Variants in TENM4 observed in about 807,000 individuals in gnomAD.
TENM4 encodes the protein teneurin-4.
Under a neutral mutation model 243.3 loss-of-function variants are expected in TENM4, and 82 were observed. The ratio of observed to expected loss-of-function variants is 0.34; its 90% CI spans 0.28 to 0.40. TENM4 has a LOEUF of 0.40. Ranked by LOEUF, TENM4 falls within the 10% of genes least tolerant of loss-of-function variation. The pLI, the probability that TENM4 is intolerant of heterozygous loss-of-function variation, is 1.00. For synonymous variants in TENM4, 1,412 were observed against 1,456.3 expected (o/e 0.97, Z 0.69); for missense variants, 3,138 against 3,673.3 (o/e 0.85, Z 3.77).
Position 78,879,236 on chromosome 11 carries a change from C to T in TENM4, c.1084+10549G>A, listed in dbSNP as rs145255515. 4.8e-3 allele frequency among the ~76,000 whole-genome samples: 717 copies of T among 148,528 alleles called. 3 individuals carry two copies. Among genetic ancestry groups the T allele is most frequent in the Non-Finnish European group, 7.0e-3 (468 of 67,168 alleles). ...GAGAAGCGCCTCTGCCCGGTCGCCC[C>T]GTCTGGGAGGTGAGGAGCGCCTCTG... On this transcript the variant is annotated intron_variant, in intron 9 of 33. Coordinates refer to ENST00000278550, the MANE Select transcript of TENM4 (RefSeq NM_001098816.3).
At chr11:79,375,746 G>A (rs544900788) in intron 1 of TENM4, among the ~76,000 whole-genome samples, 1 of 152,184 alleles carries the variant, frequency 6.6e-6, no homozygotes, top group Non-Finnish European at 1.5e-5. Context: ...TGCAATAAAA[G>A]AAGTGACCTT....
intron 6 of TENM4, among the ~76,000 whole-genome samples, chr11:79,025,489 A>T (rs1859055545): frequency 1.3e-5 from 2 of 152,226 alleles, no homozygotes; most frequent in Non-Finnish European, 2.9e-5. Context: ...GCCCAAGGCC[A>T]TGGAGACAGC....
chr11:79,006,756 C>T (rs368391863), intron 6 of TENM4, among the ~76,000 whole-genome samples: 1 of 152,198 alleles, frequency 6.6e-6, no homozygotes, highest in Non-Finnish European at 1.5e-5. Flanking sequence ...TGAAAAAGCA[C>T]ATAGAACATT....
Position 78,669,302 on chromosome 11 carries a change from A to G in TENM4, c.7043T>C (p.Met2348Thr). The G allele has an allele frequency of 6.2e-7, 1 of 1,613,984 alleles. No individual in the cohort carries two copies. Among genetic ancestry groups the G allele is most frequent in the Non-Finnish European group, 8.5e-7 (1 of 1,179,860 alleles). Residue 2348 changes from methionine (M) to threonine (T), a missense_variant, in exon 32 of 34, where the codon ATG becomes ACG. Transcript: ENST00000278550. The surrounding 1 kb of genome is among the most constrained non-coding windows in gnomAD (Gnocchi z 6.4). ...AAACTCATCACCACTGCTCAGCTCCATGGCAAAGAGGTGTCCTTGCAAGTC... is the reference window on the plus strand; with the variant it reads ...AAACTCATCACCACTGCTCAGCTCCGTGGCAAAGAGGTGTCCTTGCAAGTC... ...YYDLQGHLFA[M>T]ELSSGDEFYI...
intron 25 of TENM4, among the ~76,000 whole-genome samples, chr11:78,716,668 C>A (rs1859527827): frequency 6.6e-6 from 1 of 152,204 alleles, no homozygotes; most frequent in African/African-American, 2.4e-5. Context: ...AGGGTGTGGG[C>A]ATCTATACCT....
At chr11:78,712,201 G>C (rs1859414017) in intron 26 of TENM4, among the ~76,000 whole-genome samples, 1 of 152,134 alleles carries the variant, frequency 6.6e-6, no homozygotes, top group African/African-American at 2.4e-5. Flanking sequence ...TAATGATCTA[G>C]CATTTAGGGA....
intron 2 of TENM4, among the ~76,000 whole-genome samples, chr11:79,241,692 CAAT>C (rs1406336108): frequency 6.6e-6 from 1 of 152,088 alleles, no homozygotes; most frequent in Non-Finnish European, 1.5e-5. Context: ...GGGACAGAAT[CAAT>C]GATGATGTGT....
chr11:78,923,693 CTTTTTTT>C (rs1172776088), intron 6 of TENM4, among the ~76,000 whole-genome samples: 26 of 53,680 alleles, frequency 4.8e-4, no homozygotes, highest in South Asian at 1.4e-3. Flanking sequence ...ATGCACCTGG[CTTTTTTT>C]TTTTTTTTTT....
chr11:78,877,101 C>T (rs1166368700), intron 9 of TENM4, among the ~76,000 whole-genome samples: 2 of 152,224 alleles, frequency 1.3e-5, no homozygotes, highest in Non-Finnish European at 2.9e-5. Flanking sequence ...AGGTCTTACT[C>T]GGCCCAGTCT....
chr11:79,252,868 C>A (rs1350911771), intron 2 of TENM4, among the ~76,000 whole-genome samples: 1 of 152,126 alleles, frequency 6.6e-6, no homozygotes, highest in Non-Finnish European at 1.5e-5. Flanking sequence ...TCAGCTGACC[C>A]CAGCTCACTC....
At chr11:78,759,145 C>A (rs909991715) in intron 18 of TENM4, among the ~76,000 whole-genome samples, 21 of 152,130 alleles carry the variant, frequency 1.4e-4, no homozygotes, top group African/African-American at 4.1e-4. Context: ...AGGAATGCCT[C>A]CCCTCACCCC....
In TENM4 at chr11:78,668,943, T is replaced by A; in HGVS notation, c.7402A>T (p.Met2468Leu). ...ISNSQDIKCFMTDVNSWLLTF... is the reference protein window; with the variant it reads ...ISNSQDIKCFLTDVNSWLLTF... ...AGTGAGCCGTGGTCCTTACCTGTCA[T>A]GAAGCACTTGATGTCCTGGGAGTTG... is the stretch of plus-strand genomic sequence containing the variant. The change falls in exon 32 of 34, where the codon ATG becomes TTG. Residue 2468 changes from methionine (M) to leucine (L), a missense_variant. By Grantham distance (15) the Met-to-Leu change is conservative. Around this residue, in one of 2 missense-constraint regions of TENM4, gnomAD observed 2,467 missense variants for 3,059.1 expected, o/e 0.81. Coordinates refer to ENST00000278550, the MANE Select transcript of TENM4 (RefSeq NM_001098816.3). The A allele has an allele frequency of 6.2e-7, 1 of 1,612,598 alleles. No homozygotes were observed. Among genetic ancestry groups the A allele is most frequent in the African/African-American group, 1.3e-5 (1 of 75,026 alleles).
intron 1 of TENM4, among the ~76,000 whole-genome samples, chr11:79,305,850 T>C (rs1856617593): frequency 6.6e-6 from 1 of 152,196 alleles, no homozygotes; most frequent in African/African-American, 2.4e-5. Flanking sequence ...TAACTTCATT[T>C]GTGAAGCCAC....
At chr11:78,660,482 A>G (rs760330677) in intron 33 of TENM4, among the ~76,000 whole-genome samples, 1 of 152,156 alleles carries the variant, frequency 6.6e-6, no homozygotes, top group Non-Finnish European at 1.5e-5. Context: ...AAGTGCCACC[A>G]GCGTACAGGG....
At chr11:79,298,545 A>G (rs1193992688) in intron 1 of TENM4, among the ~76,000 whole-genome samples, 2 of 150,908 alleles carry the variant, frequency 1.3e-5, no homozygotes, top group African/African-American at 2.4e-5. Context: ...AAAAAAAAAA[A>G]AAAGAAAAAC....
At chr11:79,405,614 C>A (rs538337754) in intron 1 of TENM4, among the ~76,000 whole-genome samples, 1 of 151,922 alleles carries the variant, frequency 6.6e-6, no homozygotes. Flanking sequence ...GCTATAGATG[C>A]AATTTTGTCT....
intron 12 of TENM4, among the ~76,000 whole-genome samples, chr11:78,814,759 T>A (rs899423633): frequency 1.3e-5 from 2 of 152,272 alleles, no homozygotes; most frequent in Non-Finnish European, 2.9e-5. Flanking sequence ...GTCTTCTTTA[T>A]ACTTTTTGTA....
chr11:78,687,701 T>G (rs924815621), intron 29 of TENM4, among the ~76,000 whole-genome samples: 2 of 152,180 alleles, frequency 1.3e-5, no homozygotes, highest in Admixed American at 6.5e-5. Context: ...TTCATAATTA[T>G]GCGTAATTAT....
intron 9 of TENM4, among the ~76,000 whole-genome samples, chr11:78,873,539 C>T (rs1859191061): frequency 2.0e-5 from 3 of 152,184 alleles, no homozygotes; most frequent in Admixed American, 1.3e-4. Context: ...TGAGTTAAGT[C>T]CAGATGGAAC....
Sources: allele counts gnomAD v4.1 joint callset (sites outside exome capture counted in the v4.1 genomes callset), GRCh38; gene constraint gnomAD v4.1.1; regional missense constraint gnomAD v4.1.1; non-coding constraint Gnocchi (gnomAD v3.1); transcripts MANE v1.5; gene names NCBI Gene and HGNC (gene_info 2026-07-23, HGNC 2026-07-21).